Variants in VPS50 observed in about 807,000 individuals in gnomAD.
The protein encoded by VPS50 is syndetin.
VPS50 carries 70 observed loss-of-function variants against 139.7 expected under a neutral mutation model. The ratio of observed to expected loss-of-function variants is 0.50; its 90% CI spans 0.41 to 0.61. The LOEUF (loss-of-function observed/expected upper bound fraction) is 0.61. Ranked by LOEUF, VPS50 falls within the 20% of genes least tolerant of loss-of-function variation. The pLI is 0.00. For missense variants in VPS50, 921 were observed against 1,133.7 expected, an observed-to-expected ratio of 0.81 and a Z score of 2.69; for synonymous variants, 365 against 376.7, an observed-to-expected ratio of 0.97 and a Z score of 0.36.
chr7:93,284,554 T>G (rs1262344223), intron 12 of VPS50, among the ~76,000 whole-genome samples: 1 of 152,242 alleles, frequency 6.6e-6, no homozygotes, highest in African/African-American at 2.4e-5. Flanking sequence ...TGTATATACA[T>G]ATTTAGCATT....
chr7:93,347,542 C>G (rs1192791842), intron 23 of VPS50, among the ~76,000 whole-genome samples: 1 of 110,534 alleles, frequency 9.0e-6, no homozygotes, highest in Non-Finnish European at 1.7e-5. Flanking sequence ...TTTATTGTGG[C>G]ACTATTCACA....
At chr7:93,318,597 T>C (rs1797500688) in intron 20 of VPS50, among the ~76,000 whole-genome samples, 1 of 152,220 alleles carries the variant, frequency 6.6e-6, no homozygotes. Flanking sequence ...TAAACCCCTA[T>C]AGAAGAGAGC....
chr7:93,334,315 A>G, intron 22 of VPS50, 118 bp downstream of exon 22: 1 of 646,092 alleles, frequency 1.5e-6, no homozygotes, highest in Non-Finnish European at 2.7e-6. Flanking sequence ...TCAGAATTAA[A>G]TGAGTGCATA....
intron 12 of VPS50, among the ~76,000 whole-genome samples, chr7:93,282,128 C>T (rs1796347813): frequency 6.6e-6 from 1 of 151,556 alleles, no homozygotes; most frequent in East Asian, 1.9e-4. Flanking sequence ...GACATGAACC[C>T]TGGAGGCGGA....
chr7:93,337,507 A>G (rs1384019621), intron 22 of VPS50, among the ~76,000 whole-genome samples: 4 of 152,208 alleles, frequency 2.6e-5, no homozygotes, highest in Non-Finnish European at 5.9e-5. Flanking sequence ...AGAAACTTTT[A>G]GTTTTATAAA....
chr7:93,348,361 TA>T (rs954754299), intron 23 of VPS50, among the ~76,000 whole-genome samples: 26 of 152,330 alleles, frequency 1.7e-4, no homozygotes, highest in African/African-American at 5.8e-4. Context: ...ATGAGATCTT[TA>T]AAAGAAATCC....
intron 19 of VPS50, 79 bp from the exon 20 acceptor site, chr7:93,311,087 G>C (rs17165255): frequency 4.0e-6 from 3 of 752,750 alleles, no homozygotes; most frequent in Admixed American, 2.0e-5. Context: ...AGTTAATAAA[G>C]GCTAGGGACC....
intron 2 of VPS50, among the ~76,000 whole-genome samples, chr7:93,242,332 C>T (rs965686455): frequency 2.6e-5 from 4 of 151,488 alleles, no homozygotes; most frequent in African/African-American, 7.3e-5. Flanking sequence ...GGAAACAGGG[C>T]GATGAGATAA....
intron 2 of VPS50, among the ~76,000 whole-genome samples, chr7:93,243,940 G>A (rs898646278): frequency 2.4e-4 from 37 of 151,926 alleles, no homozygotes; most frequent in African/African-American, 8.2e-4. Flanking sequence ...TGTTTTACGA[G>A]TTTTTAGTGA....
chr7:93,323,614 A>C lies in VPS50; in HGVS notation c.1859A>C (p.Lys620Thr). 1 of 1,255,684 alleles carries C rather than the reference A, an allele frequency of 8.0e-7. No individual in the cohort carries two copies. Among genetic ancestry groups the C allele is most frequent in the Non-Finnish European group, 1.1e-6 (1 of 942,848 alleles). The allele number at this position is 1,255,684 out of a possible 1,614,324, so 77.8% of individuals were successfully genotyped here. ...TTTTATTCTTTTTTCTTTTCAGGAA[A>C]ATATATGCAGATGATGAACATTCTT... ...TTLNVIRLVG[K>T]YMQMMNILKP... The change falls in exon 21 of 28, where the codon AAA becomes ACA. Residue 620 changes from lysine (K) to threonine (T), a missense_variant. Transcript: ENST00000305866.
chr7:93,267,409 T>C (rs1424896223), intron 9 of VPS50, among the ~76,000 whole-genome samples: 1 of 152,196 alleles, frequency 6.6e-6, no homozygotes, highest in Non-Finnish European at 1.5e-5. Flanking sequence ...TCTCTGTAGT[T>C]TTATTTATTG....
At position 93,232,389 on chromosome 7, in the gene VPS50, A is replaced by T; in HGVS notation, c.-79A>T. On this transcript the variant is annotated 5_prime_UTR_variant, in exon 1 of 28. It removes the in-frame stop codon of an upstream open reading frame in the 5' UTR. Coordinates refer to ENST00000305866, the MANE Select transcript of VPS50 (RefSeq NM_017667.4). ...ACGTGACCACCCACTATGGCTTCCT[A>T]GTGTCAGGGCCAGCTGTGTAGTGGC... The T allele has an allele frequency of 1.6e-6, 2 of 1,228,594 alleles. No individual in the cohort carries two copies. Among genetic ancestry groups the T allele is most frequent in the Non-Finnish European group, 2.4e-6 (2 of 830,702 alleles). The allele number at this position is 1,228,594 out of a possible 1,614,324, so 76.1% of individuals were successfully genotyped here.
chr7:93,266,262 A>G (rs572933715), intron 9 of VPS50, among the ~76,000 whole-genome samples: 6 of 152,332 alleles, frequency 3.9e-5, no homozygotes, highest in East Asian at 1.9e-4. Flanking sequence ...TCTTCAGCAT[A>G]TAATAGAATC....
intron 27 of VPS50, among the ~76,000 whole-genome samples, chr7:93,357,546 A>G (rs975224649): frequency 6.6e-6 from 1 of 152,132 alleles, no homozygotes; most frequent in African/African-American, 2.4e-5. Context: ...CCAAGTTTTT[A>G]AAATCAATTC....
In VPS50 at chr7:93,272,699, T is replaced by G. The variant is rs1399760982; in HGVS notation, c.767T>G (p.Val256Gly). ...TTTGACATTAACCATTATACCAAGG[T>G]TCAACAAGCTTATCGACTTCTTGGA... ...KNFDINHYTK[V>G]QQAYRLLGKT... The change falls in exon 11 of 28, where the codon GTT (valine) becomes GGT (glycine). Residue 256 changes from valine (V) to glycine (G), a missense_variant. Physicochemically the swap from Val to Gly is moderately radical, Grantham distance 109. Transcript: ENST00000305866. 1 of 1,569,184 alleles carries G rather than the reference T, an allele frequency of 6.4e-7. No homozygotes were observed. Among genetic ancestry groups the G allele is most frequent in the Non-Finnish European group, 8.7e-7 (1 of 1,150,672 alleles).
intron 13 of VPS50, 38 bp downstream of exon 13, chr7:93,291,873 T>G: frequency 7.2e-7 from 1 of 1,397,950 alleles, no homozygotes; most frequent in South Asian, 1.3e-5. Flanking sequence ...AAAATTGAAC[T>G]ATAAATATCC....
At chr7:93,268,694 A>G (rs980342705) in intron 9 of VPS50, among the ~76,000 whole-genome samples, 2 of 152,150 alleles carry the variant, frequency 1.3e-5, no homozygotes, top group East Asian at 3.8e-4. Flanking sequence ...CCAATGGTGT[A>G]TATGTACCAC....
At chr7:93,281,006 G>A (rs984769466) in intron 12 of VPS50, among the ~76,000 whole-genome samples, 4 of 151,952 alleles carry the variant, frequency 2.6e-5, no homozygotes, top group African/African-American at 9.7e-5. Flanking sequence ...TGTTTTCATA[G>A]TGTCTGGCAC....
intron 14 of VPS50, among the ~76,000 whole-genome samples, chr7:93,295,828 G>C (rs932864841): frequency 2.6e-5 from 4 of 152,122 alleles, no homozygotes; most frequent in Admixed American, 1.3e-4. Context: ...GGGCTCAGGT[G>C]ATCCTTCTGC....
Sources: gnomAD v4.1 joint callset for allele counts (sites outside exome capture counted in the v4.1 genomes callset) on GRCh38, gnomAD v4.1.1 for gene constraint, MANE v1.5 for transcripts, NCBI Gene and HGNC (gene_info 2026-07-23, HGNC 2026-07-21) for gene names.